The following WDR20 variants were observed in gnomAD, a reference collection of about 807,000 sequenced individuals.
WDR20 encodes WD repeat domain 20, also known as WD repeat-containing protein 20.
In WDR20, 3 loss-of-function variants were observed where a neutral mutation model predicts 38.7. That is an observed-to-expected ratio of 0.08 (90% confidence interval 0.04 to 0.20). The LOEUF (loss-of-function observed/expected upper bound fraction) is 0.20, where lower values mean the gene tolerates loss of function less well. WDR20 is among the 10% of genes least tolerant of loss of function. The pLI is 1.00. For missense variants in WDR20, 559 were observed against 727.7 expected (o/e 0.77, Z 2.67); for synonymous variants, 298 against 285.6 (o/e 1.04, Z -0.44).
chr14:102,191,000 CAA>C (rs552354837), intron 1 of WDR20, among the ~76,000 whole-genome samples: 33 of 91,252 alleles, frequency 3.6e-4, no homozygotes, highest in Non-Finnish European at 2.3e-4. Flanking sequence ...GACTCTATCT[CAA>C]AAAAAAAAAA....
At chr14:102,210,794 C>T (rs189718259), downstream of WDR20, among the ~76,000 whole-genome samples, 9 of 152,198 alleles carry the variant, frequency 5.9e-5, no homozygotes, top group East Asian at 1.7e-3. Context: ...GACTCCTCCG[C>T]GCTTTGTTTC....
intron 1 of WDR20, among the ~76,000 whole-genome samples, chr14:102,167,963 G>T (rs1239318335): frequency 6.6e-6 from 1 of 152,214 alleles, no homozygotes; most frequent in Non-Finnish European, 1.5e-5. Context: ...TAAGCATATT[G>T]TATGCAGTAG....
intron 1 of WDR20, chr14:102,193,553 T>C: frequency 6.2e-7 from 1 of 1,600,730 alleles, no homozygotes; most frequent in South Asian, 1.1e-5. Context: ...TGCACCCTCA[T>C]TCCTTTGCCC....
chr14:102,196,620 G>T (rs372424472), intron 2 of WDR20, among the ~76,000 whole-genome samples: 1 of 152,084 alleles, frequency 6.6e-6, no homozygotes, highest in Non-Finnish European at 1.5e-5. Flanking sequence ...ACAGAATGCC[G>T]CTTAGAGAAC....
intron 1 of WDR20, among the ~76,000 whole-genome samples, chr14:102,156,505 T>G (rs778027760): frequency 4.3e-4 from 66 of 152,060 alleles, no homozygotes; most frequent in Non-Finnish European, 9.3e-4. Flanking sequence ...ATTAAGAAAT[T>G]TTTGAAAAGT....
In WDR20 at chr14:102,202,403, G is replaced by A. The variant is rs374417460; in HGVS notation, c.433-6200G>A. Among the ~76,000 whole-genome samples, 246 of 137,468 alleles carry A rather than the reference G, an allele frequency of 1.8e-3. 1 individual carries two copies. Among genetic ancestry groups the A allele is most frequent in the Middle Eastern group, 0.011 (3 of 264 alleles). The allele number at this position is 137,468 out of a possible 152,430, so 90.2% of individuals were successfully genotyped here. A position where few individuals can be genotyped will look rare whatever the true frequency, so the allele number is the denominator to read the frequency against. On this transcript the variant is annotated intron_variant, in intron 2 of 2. Coordinates refer to ENST00000342702, the MANE Select transcript of WDR20 (RefSeq NM_144574.4). The stretch of plus-strand genomic sequence containing the variant: ...TTTTTTTTTTTTTTTTTTTTGAGAC[G>A]GAGTCTCGCTCTGTCGCCCAGGCTG...
At chr14:102,206,948 C>T (rs561577565) in intron 2 of WDR20, among the ~76,000 whole-genome samples, 3 of 152,134 alleles carry the variant, frequency 2.0e-5, no homozygotes, top group Non-Finnish European at 4.4e-5. Flanking sequence ...GAAAATTGCA[C>T]GAAGGTCTAA....
chr14:102,208,863 T>C lies in WDR20; in HGVS notation c.693T>C (p.Asp231=). Residue 231 remains aspartate, a synonymous_variant, in exon 3 of 3, where the codon GAT becomes GAC. Coordinates refer to ENST00000342702, the MANE Select transcript of WDR20 (RefSeq NM_144574.4). The surrounding 1 kb of genome is among the most constrained non-coding windows in gnomAD (Gnocchi z 5.6). ...GALNEFAFSP[D]GKFLACVSQD... is the part of the protein sequence containing the mutation. ...TCAACGAGTTTGCTTTCTCCCCAGA[T>C]GGCAAGTTCTTAGCGTGCGTGAGCC... is the stretch of plus-strand genomic sequence containing the variant. 1 of 1,614,238 alleles carries C rather than the reference T, an allele frequency of 6.2e-7. No individual in the cohort carries two copies. The highest frequency in any genetic ancestry group is 8.5e-7 in the Non-Finnish European group (1 of 1,180,040).
chr14:102,194,813 G>GA (rs1181785264), intron 1 of WDR20, 125 bp from the exon 2 acceptor site: 6 of 1,109,056 alleles, frequency 5.4e-6, no homozygotes, highest in East Asian at 2.4e-5. Context: ...AGTCACAACT[G>GA]AAAAAACATT....
chr14:102,181,139 T>G (rs2063288258), intron 1 of WDR20, among the ~76,000 whole-genome samples: 1 of 152,140 alleles, frequency 6.6e-6, no homozygotes, highest in African/African-American at 2.4e-5. Context: ...CTTATGAACT[T>G]TAACCAGATG....
At chr14:102,152,368 G>A (rs1262934932) in intron 1 of WDR20, among the ~76,000 whole-genome samples, 1 of 151,882 alleles carries the variant, frequency 6.6e-6, no homozygotes, top group African/African-American at 2.4e-5. Context: ...TAATAATAGT[G>A]TGGATTATGG....
chr14:102,217,518 G>A (rs1370402136), downstream of WDR20, among the ~76,000 whole-genome samples: 3 of 152,210 alleles, frequency 2.0e-5, no homozygotes, highest in East Asian at 3.8e-4. Context: ...AGCTGGCAGA[G>A]GTACGTGGTC....
rs1490754687 is a variant in WDR20, at chr14:102,208,792, T to G, written c.622T>G (p.Ser208Ala). 2 of 1,614,060 alleles carry G rather than the reference T, an allele frequency of 1.2e-6. No homozygotes were observed. The highest frequency in any genetic ancestry group is 1.7e-6 in the Non-Finnish European group (2 of 1,180,048). Residue 208 changes from serine to alanine, a missense_variant, in exon 3 of 3, where the codon TCC (serine) becomes GCC (alanine). By Grantham distance (99) the Ser-to-Ala change is moderately conservative (BLOSUM62 1). Coordinates refer to ENST00000342702, the MANE Select transcript of WDR20 (RefSeq NM_144574.4). This position sits in a 1 kb window ranked among gnomAD's most constrained non-coding sequence, Gnocchi z 5.6. ...SFAVHTCKSK[S>A]TRNPLLKWTV... Reference sequence around the variant, plus strand: ...TGCCGTGCACACTTGCAAGAGCAAATCCACGAGGAACCCTCTCCTTAAGTG... The same window carrying G: ...TGCCGTGCACACTTGCAAGAGCAAAGCCACGAGGAACCCTCTCCTTAAGTG...
intron 1 of WDR20, among the ~76,000 whole-genome samples, chr14:102,157,503 C>G (rs1300462814): frequency 6.6e-6 from 1 of 152,142 alleles, no homozygotes; most frequent in Non-Finnish European, 1.5e-5. Flanking sequence ...CATTTTTCTT[C>G]TTCCTGATCA....
intron 1 of WDR20, among the ~76,000 whole-genome samples, chr14:102,186,855 C>T (rs2064912295): frequency 2.0e-5 from 3 of 151,740 alleles, no homozygotes; most frequent in Non-Finnish European, 4.4e-5. Context: ...GAGGCTGAGG[C>T]AGGAGAATGG....
At chr14:102,214,551 T>C (rs572555656), downstream of WDR20, 2 of 985,352 alleles carry the variant, frequency 2.0e-6, no homozygotes, top group African/African-American at 1.7e-5. Context: ...TGTCATAAAT[T>C]GCTATCCTTT....
At chr14:102,174,004 A>G (rs1444022431) in intron 1 of WDR20, among the ~76,000 whole-genome samples, 1 of 150,760 alleles carries the variant, frequency 6.6e-6, no homozygotes, top group Non-Finnish European at 1.5e-5. Flanking sequence ...AGATCGCGCC[A>G]TTGCACTCCA....
At chr14:102,214,002 C>T (rs576590507), downstream of WDR20, 30 of 985,410 alleles carry the variant, frequency 3.0e-5, no homozygotes, top group South Asian at 2.8e-4. Flanking sequence ...GAGGGCATGG[C>T]GGGGGATCCG....
intron 1 of WDR20, among the ~76,000 whole-genome samples, chr14:102,171,024 C>T (rs377134921): frequency 2.0e-5 from 3 of 151,932 alleles, no homozygotes; most frequent in Non-Finnish European, 4.4e-5. Context: ...TGCAGTGGCG[C>T]GATCTCAGCT....
Sources: allele counts gnomAD v4.1 joint callset (sites outside exome capture counted in the v4.1 genomes callset), GRCh38; gene constraint gnomAD v4.1.1; non-coding constraint Gnocchi (gnomAD v3.1); transcripts MANE v1.5; gene names NCBI Gene and HGNC (gene_info 2026-07-23, HGNC 2026-07-21).